Variants in PSD3 observed in about 807,000 individuals in gnomAD.
PSD3 encodes PH and SEC7 domain-containing protein 3.
A neutral mutation model predicts 105.5 loss-of-function variants in PSD3; 49 were observed. The observed-to-expected ratio is 0.46, with a 90% CI of 0.37 to 0.59. The LOEUF is 0.59. Among genes scored for constraint, PSD3 ranks in the 20% least tolerant of loss-of-function variants. PSD3 has a pLI of 0.00. For synonymous variants in PSD3, 557 were observed against 457.8 expected (o/e 1.22, Z -2.77); for missense variants, 1,561 against 1,263.8 (o/e 1.24, Z -3.57).
chr8:18,674,474 A>G (rs28728308), intron 9 of PSD3, among the ~76,000 whole-genome samples: 8,933 of 152,250 alleles, frequency 0.059, 529 homozygotes, highest in East Asian at 0.15. Context: ...AGGTCTACGA[A>G]TCCTACTGTC....
chr8:18,912,982 A>G (rs905938445), intron 2 of PSD3, among the ~76,000 whole-genome samples: 1 of 151,946 alleles, frequency 6.6e-6, no homozygotes, highest in African/African-American at 2.4e-5. Flanking sequence ...GAGCTACTTA[A>G]GAAACGGCCA....
Position 18,872,567 on chromosome 8 carries a change from G to A in PSD3, c.297C>T (p.Gly99=). 1 of 1,614,086 alleles carries A rather than the reference G, an allele frequency of 6.2e-7. No homozygotes were observed. Among genetic ancestry groups the A allele is most frequent in the Non-Finnish European group, 8.5e-7 (1 of 1,179,994 alleles). Residue 99 remains glycine, a synonymous_variant, in exon 3 of 16, where the codon GGC becomes GGT. Transcript: ENST00000327040. The part of the protein sequence containing the change: ...QEQQGVQPLT[G]CHSGLDSVTE... ...TAACACTGTCGAGCCCAGAGTGGCAGCCAGTAAGAGGCTGGACACCCTGCT... is the reference window on the plus strand; with the variant it reads ...TAACACTGTCGAGCCCAGAGTGGCAACCAGTAAGAGGCTGGACACCCTGCT...
At chr8:18,647,685 G>A (rs1280041811) in intron 10 of PSD3, among the ~76,000 whole-genome samples, 1 of 149,352 alleles carries the variant, frequency 6.7e-6, no homozygotes, top group East Asian at 2.0e-4. Context: ...GGATAAGGGA[G>A]TGATTTGGTT....
rs762637589 is a variant in PSD3 at position 18,600,397 on chromosome 8, A to G, written c.2448T>C (p.Ala816=). ...RGKRGWKTFY[A]VLKGTVLYLQ... is the part of the protein sequence containing the mutation. ...AGTAAAGAACTGTTCCCTTCAGTACAGCATAAAAGGTTTTCCATCCTCGTT... is the reference window on the plus strand; with the variant it reads ...AGTAAAGAACTGTTCCCTTCAGTACGGCATAAAAGGTTTTCCATCCTCGTT... The change falls in exon 12 of 16, where the codon GCT becomes GCC. Residue 816 remains alanine (A), a synonymous_variant. Coordinates refer to ENST00000327040, the MANE Select transcript of PSD3 (RefSeq NM_015310.4). The G allele has an allele frequency of 6.2e-7, 1 of 1,606,118 alleles. No homozygotes were observed. The highest frequency in any genetic ancestry group is 1.7e-5 in the Admixed American group (1 of 57,554).
chr8:18,920,761 C>T lies in PSD3; in HGVS notation c.130+15273G>A, dbSNP rs1018504107. Among the ~76,000 whole-genome samples the T allele has an allele frequency of 1.9e-4, 29 of 152,112 alleles. 1 individual carries two copies. Among genetic ancestry groups the T allele is most frequent in the African/African-American group, 5.3e-4 (22 of 41,416 alleles). ...TGTGGTACTATCCCAGGGACTAAAA[C>T]TTGTCTAGCATGCCTCATCACCACC... On this transcript the variant is annotated intron_variant, in intron 2 of 15. Transcript: ENST00000327040.
At chr8:18,608,512 A>C (rs1008922149) in intron 11 of PSD3, among the ~76,000 whole-genome samples, 10 of 152,236 alleles carry the variant, frequency 6.6e-5, no homozygotes, top group African/African-American at 1.9e-4. Flanking sequence ...GTGATATTGG[A>C]GCCATCACTG....
chr8:18,913,343 A>ATTTTTT (rs112163990), intron 2 of PSD3, among the ~76,000 whole-genome samples: 1 of 147,770 alleles, frequency 6.8e-6, no homozygotes, highest in Non-Finnish European at 1.5e-5. Flanking sequence ...CAACCTGTTC[A>ATTTTTT]TTTTTTTTTT....
intron 9 of PSD3, among the ~76,000 whole-genome samples, chr8:18,720,533 C>T (rs1802899377): frequency 6.6e-6 from 1 of 152,038 alleles, no homozygotes; most frequent in African/African-American, 2.4e-5. Context: ...TAACAATTGG[C>T]AAGAATTAGA....
intron 9 of PSD3, among the ~76,000 whole-genome samples, chr8:18,714,295 A>G (rs903108978): frequency 1.3e-5 from 2 of 152,164 alleles, no homozygotes; most frequent in African/African-American, 4.8e-5. Flanking sequence ...TAATTAAACT[A>G]AAGAGCTTCT....
intron 4 of PSD3, among the ~76,000 whole-genome samples, chr8:18,854,971 A>G (rs1402517743): frequency 6.6e-6 from 1 of 152,240 alleles, no homozygotes; most frequent in Non-Finnish European, 1.5e-5. Flanking sequence ...CAACTGCCAC[A>G]GAGGCATCCG....
intron 1 of PSD3, among the ~76,000 whole-genome samples, chr8:18,939,419 T>C (rs1822374341): frequency 6.6e-6 from 1 of 152,190 alleles, no homozygotes; most frequent in Non-Finnish European, 1.5e-5. Context: ...TAACAGTTAC[T>C]ACAGATATTT....
intron 9 of PSD3, among the ~76,000 whole-genome samples, chr8:18,677,943 G>A (rs1161096557): frequency 1.3e-5 from 2 of 150,642 alleles, no homozygotes; most frequent in Non-Finnish European, 2.9e-5. Flanking sequence ...CTGGGAGGCA[G>A]AGCTTGCAGT....
chr8:18,970,324 CAAAAAAAAAAA>C (rs11450922), intron 1 of PSD3, among the ~76,000 whole-genome samples: 1 of 45,310 alleles, frequency 2.2e-5, no homozygotes, highest in Non-Finnish European at 3.6e-5. Flanking sequence ...GACTCTGCCT[CAAAAAAAAAAA>C]AAAAAAAAAA....
chr8:18,710,097 T>A (rs187995110), intron 9 of PSD3, among the ~76,000 whole-genome samples: 1 of 152,192 alleles, frequency 6.6e-6, no homozygotes, highest in African/African-American at 2.4e-5. Flanking sequence ...AAAACCATGA[T>A]GAAACACTAC....
chr8:19,033,145 C>A (rs200222981), intron 1 of PSD3, among the ~76,000 whole-genome samples: 1 of 152,024 alleles, frequency 6.6e-6, no homozygotes, highest in African/African-American at 2.4e-5. Context: ...GAGACAAACC[C>A]AGGAGCCTAT....
At chr8:18,701,586 T>G (rs1801585643) in intron 9 of PSD3, among the ~76,000 whole-genome samples, 1 of 152,238 alleles carries the variant, frequency 6.6e-6, no homozygotes, top group Admixed American at 6.5e-5. Context: ...TCTCATCATT[T>G]AAGTGAAGTC....
chr8:19,070,232 T>G (rs1457973955), intron 1 of PSD3, among the ~76,000 whole-genome samples: 1 of 152,164 alleles, frequency 6.6e-6, no homozygotes, highest in Non-Finnish European at 1.5e-5. Context: ...TCGTTTTTAA[T>G]GTGATACGCC....
chr8:18,980,650 T>C (rs1430851812), intron 1 of PSD3, among the ~76,000 whole-genome samples: 1 of 152,290 alleles, frequency 6.6e-6, no homozygotes, highest in East Asian at 1.9e-4. Context: ...TTTGTTTTTA[T>C]TTTTCCCTCT....
At chr8:18,635,767 A>G (rs1447000097) in intron 10 of PSD3, among the ~76,000 whole-genome samples, 1 of 152,122 alleles carries the variant, frequency 6.6e-6, no homozygotes, top group Non-Finnish European at 1.5e-5. Context: ...CATCATTCTC[A>G]GCAAACTAAC....
Sources: allele counts gnomAD v4.1 joint callset (sites outside exome capture counted in the v4.1 genomes callset), GRCh38; gene constraint gnomAD v4.1.1; transcripts MANE v1.5; gene names NCBI Gene and HGNC (gene_info 2026-07-23, HGNC 2026-07-21).